TAFA2: variants seen among roughly 807,000 people sequenced by gnomAD.
TAFA2 encodes chemokine-like protein TAFA-2.
TAFA2 carries 7 observed loss-of-function variants against 18.8 expected under a neutral mutation model. That is an observed-to-expected ratio of 0.37 (90% CI 0.21 to 0.70). TAFA2 has a LOEUF of 0.70. Ranked by LOEUF, TAFA2 falls within the 30% of genes least tolerant of loss-of-function variation. TAFA2 has a pLI of 0.53. For missense variants in TAFA2, 122 were observed against 158.1 expected (o/e 0.77, Z 1.23); for synonymous variants, 60 against 54.2 (o/e 1.11, Z -0.47).
chr12:61,949,429 A>G (rs1330386342), intron 1 of TAFA2, among the ~76,000 whole-genome samples: 1 of 152,106 alleles, frequency 6.6e-6, no homozygotes, highest in East Asian at 1.9e-4. Context: ...CTGCAGAAGG[A>G]AGGCTACTCT....
chr12:62,182,523 A>G (rs1301848475), intron 1 of TAFA2, among the ~76,000 whole-genome samples: 4 of 152,208 alleles, frequency 2.6e-5, no homozygotes, highest in African/African-American at 9.7e-5. Context: ...TTCAGCTGGG[A>G]GCTTGTTAAA....
chr12:61,950,442 T>G (rs886542568), intron 1 of TAFA2, among the ~76,000 whole-genome samples: 2 of 152,314 alleles, frequency 1.3e-5, no homozygotes, highest in Middle Eastern at 3.4e-3. Flanking sequence ...CTGTTTGTTT[T>G]GATAGTGGCC....
At chr12:61,747,060 T>C (rs1009788222) in intron 4 of TAFA2, among the ~76,000 whole-genome samples, 2 of 152,084 alleles carry the variant, frequency 1.3e-5, no homozygotes, top group African/African-American at 2.4e-5. Context: ...GGGCAAAGGA[T>C]ATGAACAGAC....
At chr12:61,977,115 T>C (rs1042622766) in intron 1 of TAFA2, among the ~76,000 whole-genome samples, 1 of 152,034 alleles carries the variant, frequency 6.6e-6, no homozygotes, top group African/African-American at 2.4e-5. Context: ...TTAAAAACTT[T>C]TCAATGCACA....
chr12:62,121,638 T>G (rs1318520792), intron 1 of TAFA2, among the ~76,000 whole-genome samples: 1 of 152,218 alleles, frequency 6.6e-6, no homozygotes, highest in East Asian at 1.9e-4. Flanking sequence ...GTTTCAACTA[T>G]GCTAAGGATA....
At chr12:62,031,577 G>T (rs1469348641) in intron 1 of TAFA2, among the ~76,000 whole-genome samples, 1 of 152,096 alleles carries the variant, frequency 6.6e-6, no homozygotes, top group Non-Finnish European at 1.5e-5. Context: ...TACAGTAAGA[G>T]CTGAGTTGTC....
intron 2 of TAFA2, among the ~76,000 whole-genome samples, chr12:61,825,766 A>G (rs1337004074): frequency 6.6e-6 from 1 of 152,118 alleles, no homozygotes; most frequent in Non-Finnish European, 1.5e-5. Flanking sequence ...GTTTTTTGAA[A>G]GACGCCATAG....
intron 1 of TAFA2, among the ~76,000 whole-genome samples, chr12:62,170,657 G>GT (rs1291725550): frequency 1.3e-5 from 2 of 150,170 alleles, no homozygotes; most frequent in Non-Finnish European, 1.5e-5. Flanking sequence ...TACACATGCA[G>GT]TTTTTTTACA....
intron 4 of TAFA2, among the ~76,000 whole-genome samples, chr12:61,727,356 T>C (rs1476938179): frequency 6.6e-6 from 1 of 151,438 alleles, no homozygotes; most frequent in Non-Finnish European, 1.5e-5. Context: ...CTGGACCTTT[T>C]TTTTTTGACA....
chr12:62,102,056 G>A (rs1869231568), intron 1 of TAFA2, among the ~76,000 whole-genome samples: 1 of 152,164 alleles, frequency 6.6e-6, no homozygotes, highest in African/African-American at 2.4e-5. Flanking sequence ...TAGTTAAGAA[G>A]CTGAGGTGGA....
intron 1 of TAFA2, among the ~76,000 whole-genome samples, chr12:62,030,745 CATG>C (rs1881434674): frequency 6.6e-6 from 1 of 152,026 alleles, no homozygotes; most frequent in Non-Finnish European, 1.5e-5. Context: ...GAGAATGGAA[CATG>C]ATGGGGTGGG....
At chr12:61,882,699 G>A (rs908009006) in intron 1 of TAFA2, among the ~76,000 whole-genome samples, 5 of 151,954 alleles carry the variant, frequency 3.3e-5, no homozygotes, top group Non-Finnish European at 5.9e-5. Flanking sequence ...TTAAAAAACC[G>A]CCTCACTTTA....
intron 1 of TAFA2, among the ~76,000 whole-genome samples, chr12:62,235,933 T>C (rs1468803144): frequency 6.6e-6 from 1 of 152,036 alleles, no homozygotes; most frequent in Non-Finnish European, 1.5e-5. Context: ...AAAAAATGTC[T>C]TATAGACATG....
chr12:62,081,191 T>A (rs1266002048), intron 1 of TAFA2, among the ~76,000 whole-genome samples: 1 of 152,068 alleles, frequency 6.6e-6, no homozygotes, highest in African/African-American at 2.4e-5. Context: ...CGAGACTCCA[T>A]CTCACAAAAA....
chr12:62,082,173 T>A (rs1868335213), intron 1 of TAFA2, among the ~76,000 whole-genome samples: 1 of 152,212 alleles, frequency 6.6e-6, no homozygotes, highest in African/African-American at 2.4e-5. Context: ...TGTACCAAAT[T>A]TTCTTTTATC....
At chr12:61,793,348 T>C (rs923682601) in intron 2 of TAFA2, among the ~76,000 whole-genome samples, 39 of 150,802 alleles carry the variant, frequency 2.6e-4, no homozygotes, top group Admixed American at 2.4e-3. Context: ...ATAAAATTCA[T>C]AAACTTCTAC....
At chr12:61,961,758 T>G (rs1014842331) in intron 1 of TAFA2, among the ~76,000 whole-genome samples, 2 of 152,034 alleles carry the variant, frequency 1.3e-5, no homozygotes, top group African/African-American at 2.4e-5. Flanking sequence ...TTGGTTCTTG[T>G]GTTTGTTTGT....
intron 1 of TAFA2, among the ~76,000 whole-genome samples, chr12:62,015,727 G>T (rs1272842714): frequency 1.3e-5 from 2 of 152,174 alleles, no homozygotes; most frequent in Non-Finnish European, 2.9e-5. Context: ...CATAGATCCA[G>T]CAGTGAGACA....
intron 4 of TAFA2, among the ~76,000 whole-genome samples, chr12:61,723,079 C>A (rs982888994): frequency 2.0e-5 from 3 of 152,152 alleles, no homozygotes; most frequent in African/African-American, 7.2e-5. Flanking sequence ...TGTGCCCATT[C>A]ATGTCCCCTG....
Sources: gnomAD v4.1 joint callset for allele counts (sites outside exome capture counted in the v4.1 genomes callset) on GRCh38, gnomAD v4.1.1 for gene constraint, MANE v1.5 for transcripts, NCBI Gene and HGNC (gene_info 2026-07-23, HGNC 2026-07-21) for gene names.